TTLL5: variants seen among roughly 807,000 people sequenced by gnomAD.
TTLL5 encodes the protein tubulin polyglutamylase TTLL5.
TTLL5 carries 132 observed loss-of-function variants against 168.4 expected under a neutral mutation model. The ratio of observed to expected loss-of-function variants is 0.78; its 90% confidence interval spans 0.68 to 0.91. TTLL5 has a LOEUF of 0.91. Among genes scored for constraint, TTLL5 ranks in the 40% least tolerant of loss-of-function variants. TTLL5 has a pLI of 0.00. For synonymous variants in TTLL5, 546 were observed against 558.6 expected (o/e 0.98, Z 0.32); for missense variants, 1,545 against 1,581.5 (o/e 0.98, Z 0.39).
chr14:75,847,041 G>A lies in TTLL5; in HGVS notation c.3327-16626G>A, dbSNP rs1024888303. Among the ~76,000 whole-genome samples, 6 of 151,784 alleles carry A rather than the reference G, an allele frequency of 4.0e-5. 1 individual carries two copies. Among genetic ancestry groups the A allele is most frequent in the South Asian group, 2.1e-4 (1 of 4,822 alleles). On this transcript the variant is annotated intron_variant, in intron 28 of 31. Coordinates refer to ENST00000298832, the MANE Select transcript of TTLL5 (RefSeq NM_015072.5). ...TTTTGAGAGGGGGTCTTGCTCTGTC[G>A]CCCAGGCTGCAGTATAGTGGCACAA...
chr14:75,867,836 A>G (rs781612505), intron 29 of TTLL5, among the ~76,000 whole-genome samples: 18 of 152,116 alleles, frequency 1.2e-4, no homozygotes, highest in Non-Finnish European at 2.5e-4. Context: ...GGAATGATCA[A>G]ACAAATCTGT....
Position 75,882,848 on chromosome 14 carries a change from C to T in TTLL5, c.3686C>T (p.Pro1229Leu). 1 of 1,614,148 alleles carries T rather than the reference C, an allele frequency of 6.2e-7. No homozygotes were observed. The highest frequency in any genetic ancestry group is 8.5e-7 in the Non-Finnish European group (1 of 1,180,022). ...PSSCASLVPK[P>L]PPNHEQVLRR... is the part of the protein sequence containing the mutation. ...TCTTGCGCCTCCCTGGTTCCCAAAC[C>T]CCCACCCAACCACGAACAAGTGCTC... Residue 1229 changes from proline (P) to leucine (L), a missense_variant, in exon 30 of 32, where the codon CCC becomes CTC. By Grantham distance (98) the Pro-to-Leu change is moderately conservative. Transcript: ENST00000298832.
chr14:75,732,477 T>A, intron 13 of TTLL5, 58 bp downstream of exon 13: 1 of 887,238 alleles, frequency 1.1e-6, no homozygotes, highest in Admixed American at 3.5e-5. Flanking sequence ...TTAAAGCACT[T>A]TTTTTTTTTT....
chr14:75,664,952 T>G (rs1883146769), intron 2 of TTLL5, among the ~76,000 whole-genome samples: 1 of 152,230 alleles, frequency 6.6e-6, no homozygotes, highest in Non-Finnish European at 1.5e-5. Context: ...AACAGTCAAA[T>G]ACTGACGATT....
At chr14:75,826,772 G>C (rs1327405841) in intron 28 of TTLL5, among the ~76,000 whole-genome samples, 1 of 152,122 alleles carries the variant, frequency 6.6e-6, no homozygotes, top group Non-Finnish European at 1.5e-5. Context: ...ACCAGCTTTG[G>C]AAGAGCCTGG....
At chr14:75,825,721 C>T (rs1486411326) in intron 28 of TTLL5, among the ~76,000 whole-genome samples, 2 of 151,980 alleles carry the variant, frequency 1.3e-5, no homozygotes, top group East Asian at 1.9e-4. Flanking sequence ...ATATTTCACT[C>T]CTTATGCCTC....
chr14:75,888,470 T>A (rs984795873), intron 30 of TTLL5, among the ~76,000 whole-genome samples: 4 of 152,226 alleles, frequency 2.6e-5, no homozygotes, highest in East Asian at 1.9e-4. Flanking sequence ...AACGCTTTTT[T>A]AAAAGATTTT....
chr14:75,870,735 G>A (rs1312303551), intron 29 of TTLL5, among the ~76,000 whole-genome samples: 1 of 151,574 alleles, frequency 6.6e-6, no homozygotes. Context: ...AACCTGACAG[G>A]TGTCTACAAA....
intron 20 of TTLL5, among the ~76,000 whole-genome samples, chr14:75,771,376 T>G (rs1891303038): frequency 6.6e-6 from 1 of 152,070 alleles, no homozygotes; most frequent in South Asian, 2.1e-4. Context: ...TGCGGTGAGC[T>G]GAGATTCCAC....
chr14:75,693,755 G>T (rs956216376), intron 6 of TTLL5, among the ~76,000 whole-genome samples: 2 of 152,188 alleles, frequency 1.3e-5, no homozygotes, highest in Non-Finnish European at 2.9e-5. Flanking sequence ...ACTTTCCCCA[G>T]AATTGGGCTC....
intron 29 of TTLL5, among the ~76,000 whole-genome samples, chr14:75,880,024 C>T (rs1254212102): frequency 1.3e-5 from 2 of 152,082 alleles, no homozygotes; most frequent in Non-Finnish European, 2.9e-5. Flanking sequence ...ATACAAATGA[C>T]ATGTAGTAAA....
At chr14:75,774,118 AACTCACAGAAGGC>A (rs959714368) in intron 21 of TTLL5, among the ~76,000 whole-genome samples, 3 of 151,936 alleles carry the variant, frequency 2.0e-5, no homozygotes, top group African/African-American at 7.3e-5. Context: ...CTTATCTCAT[AACTCACAGAAGGC>A]ACATCAACAG....
At chr14:75,845,030 GTCCTT>G (rs1382986405) in intron 28 of TTLL5, among the ~76,000 whole-genome samples, 4 of 152,156 alleles carry the variant, frequency 2.6e-5, no homozygotes, top group Non-Finnish European at 5.9e-5. Context: ...TGCCCGGAAT[GTCCTT>G]TCCAGTTGGC....
intron 31 of TTLL5, among the ~76,000 whole-genome samples, chr14:75,941,843 CTTTTTTTTT>C (rs71122506): frequency 4.3e-5 from 3 of 69,404 alleles, no homozygotes; most frequent in African/African-American, 1.8e-4. Flanking sequence ...TCATGATGAA[CTTTTTTTTT>C]TTTTTTTTTT....
intron 31 of TTLL5, among the ~76,000 whole-genome samples, chr14:75,914,143 C>T (rs911504803): frequency 6.7e-6 from 1 of 148,736 alleles, no homozygotes; most frequent in African/African-American, 2.5e-5. Context: ...CTCTGTCACT[C>T]ATTTATCTTG....
intron 30 of TTLL5, among the ~76,000 whole-genome samples, chr14:75,892,941 C>T (rs965141592): frequency 3.9e-5 from 6 of 151,978 alleles, no homozygotes; most frequent in Non-Finnish European, 2.9e-5. Flanking sequence ...TCTTCAGACA[C>T]GGAGGAATGA....
chr14:75,735,044 G>A (rs1888794910), intron 14 of TTLL5, 151 bp from the exon 15 acceptor site: 1 of 677,138 alleles, frequency 1.5e-6, no homozygotes. Flanking sequence ...GAGGGTGTGT[G>A]TGGGAGAGTT....
intron 18 of TTLL5, among the ~76,000 whole-genome samples, chr14:75,759,181 G>C (rs1442868564): frequency 6.6e-6 from 1 of 152,092 alleles, no homozygotes; most frequent in Non-Finnish European, 1.5e-5. Context: ...TTTCACTATA[G>C]ATTCAACAGA....
At chr14:75,886,954 G>T in intron 30 of TTLL5, 1 of 1,416,860 alleles carries the variant, frequency 7.1e-7, no homozygotes, top group Non-Finnish European at 9.1e-7. Context: ...GTTGTAACCT[G>T]GGAGACTTCT....
Sources: allele counts gnomAD v4.1 joint callset (sites outside exome capture counted in the v4.1 genomes callset), GRCh38; gene constraint gnomAD v4.1.1; transcripts MANE v1.5; gene names NCBI Gene and HGNC (gene_info 2026-07-23, HGNC 2026-07-21).